Variants in IGF1R observed in about 807,000 individuals in gnomAD.
IGF1R encodes the protein insulin like growth factor 1 receptor.
Under a neutral mutation model 144.6 loss-of-function variants are expected in IGF1R, and 44 were observed. That is an observed-to-expected ratio of 0.30 (90% CI 0.24 to 0.39). The LOEUF (loss-of-function observed/expected upper bound fraction) is 0.39. Among genes scored for constraint, IGF1R ranks in the 10% least tolerant of loss-of-function variants. The pLI, the probability that IGF1R is intolerant of heterozygous loss-of-function variation, is 1.00. For missense variants in IGF1R, 1,355 were observed against 1,833.7 expected (o/e 0.74, Z 4.77); for synonymous variants, 795 against 722.8 (o/e 1.10, Z -1.60).
chr15:98,931,406 A>G (rs187729340), intron 15 of IGF1R, among the ~76,000 whole-genome samples: 15 of 152,366 alleles, frequency 9.8e-5, no homozygotes, highest in African/African-American at 3.4e-4. Context: ...AAAATACTTT[A>G]ATAATGTGAA....
At chr15:98,688,351 C>CGA (rs1555431945) in intron 1 of IGF1R, among the ~76,000 whole-genome samples, 4 of 139,362 alleles carry the variant, frequency 2.9e-5, no homozygotes, top group Non-Finnish European at 1.5e-5. Flanking sequence ...TCACTTCCCC[C>CGA]CACACTCTCT....
At chr15:98,659,677 C>T (rs1229412666) in intron 1 of IGF1R, among the ~76,000 whole-genome samples, 7 of 152,042 alleles carry the variant, frequency 4.6e-5, no homozygotes, top group Non-Finnish European at 1.5e-5. Flanking sequence ...CTGTTAACAC[C>T]TAGTGTGTCT....
chr15:98,778,061 A>C (rs1427047402), intron 2 of IGF1R, among the ~76,000 whole-genome samples: 1 of 152,216 alleles, frequency 6.6e-6, no homozygotes, highest in Non-Finnish European at 1.5e-5. Flanking sequence ...CTTAATAAGA[A>C]CAGGTTCTAG....
intron 2 of IGF1R, among the ~76,000 whole-genome samples, chr15:98,780,464 G>A (rs1253009708): frequency 2.1e-5 from 3 of 146,030 alleles, no homozygotes; most frequent in Non-Finnish European, 3.0e-5. Flanking sequence ...CAGGAGAATC[G>A]CTTGAACCCG....
At chr15:98,929,487 G>C (rs2015855979) in intron 13 of IGF1R, 71 bp from the exon 14 acceptor site, 1 of 1,176,804 alleles carries the variant, frequency 8.5e-7, no homozygotes, top group South Asian at 1.2e-5. Flanking sequence ...ACTTCCAACT[G>C]AATGTGAAGA....
chr15:98,775,843 A>G (rs1257023640), intron 2 of IGF1R, among the ~76,000 whole-genome samples: 1 of 152,218 alleles, frequency 6.6e-6, no homozygotes, highest in Non-Finnish European at 1.5e-5. Flanking sequence ...TCAAGTTCCC[A>G]TGTGATCCTT....
At chr15:98,813,296 C>A (rs1157209066) in intron 2 of IGF1R, among the ~76,000 whole-genome samples, 1 of 152,086 alleles carries the variant, frequency 6.6e-6, no homozygotes, top group Non-Finnish European at 1.5e-5. Flanking sequence ...AATAACCAAT[C>A]CAAAGGCCAG....
At chr15:98,717,704 T>C (rs1338558650) in intron 2 of IGF1R, among the ~76,000 whole-genome samples, 1 of 152,244 alleles carries the variant, frequency 6.6e-6, no homozygotes, top group Non-Finnish European at 1.5e-5. Context: ...TTTGGGAGCA[T>C]TTAAGAAATA....
At chr15:98,954,596 CTTGT>C (rs2016906366) in intron 20 of IGF1R, among the ~76,000 whole-genome samples, 1 of 152,086 alleles carries the variant, frequency 6.6e-6, no homozygotes. Context: ...CGTCACATGG[CTTGT>C]TTGTGCTGAT....
Position 98,960,292 on chromosome 15 carries a change from C to CTTT in IGF1R, c.*2855_*2857dup, listed in dbSNP as rs397836919. Reference sequence around the variant, plus strand: ...TTCTGAGATGTCCTGTTTTGTGTTGCTTTTTTTGTTTTGTTTTCTATCTTG... The same window carrying CTTT: ...TTCTGAGATGTCCTGTTTTGTGTTGCTTTTTTTTTTGTTTTGTTTTCTATCTTG... On this transcript the variant is annotated 3_prime_UTR_variant, in exon 21 of 21. Transcript: ENST00000650285. The CTTT allele has an allele frequency of 5.5e-4, 126 of 231,182 alleles. No homozygotes were observed. The highest frequency in any genetic ancestry group is 2.3e-3 in the African/African-American group (106 of 45,134). 14.3% of individuals were successfully genotyped at this position (231,182 alleles called of 1,614,324 possible). A position where few individuals can be genotyped will look rare whatever the true frequency, so the allele number is the denominator to read the frequency against.
chr15:98,720,035 T>G (rs1370633885), intron 2 of IGF1R, among the ~76,000 whole-genome samples: 1 of 152,182 alleles, frequency 6.6e-6, no homozygotes, highest in African/African-American at 2.4e-5. Flanking sequence ...TCAGATTCTG[T>G]TTTTGGAAAT....
intron 2 of IGF1R, among the ~76,000 whole-genome samples, chr15:98,848,693 T>G (rs2141551332): frequency 6.6e-6 from 1 of 152,346 alleles, no homozygotes; most frequent in South Asian, 2.1e-4. Flanking sequence ...GATCTCAACC[T>G]CTATTTATTG....
At chr15:98,764,006 A>C (rs2055372178) in intron 2 of IGF1R, among the ~76,000 whole-genome samples, 1 of 152,200 alleles carries the variant, frequency 6.6e-6, no homozygotes, top group South Asian at 2.1e-4. Flanking sequence ...TTAGCTTTTC[A>C]ATTCTCTTGA....
chr15:98,662,151 T>C (rs2052616487), intron 1 of IGF1R, among the ~76,000 whole-genome samples: 1 of 151,794 alleles, frequency 6.6e-6, no homozygotes, highest in African/African-American at 2.4e-5. Context: ...GGCTAATTTT[T>C]TTTTTTTCTA....
chr15:98,664,579 C>T (rs2141183242), intron 1 of IGF1R, among the ~76,000 whole-genome samples: 1 of 150,938 alleles, frequency 6.6e-6, no homozygotes, highest in African/African-American at 2.4e-5. Flanking sequence ...GCAGGAGAAT[C>T]ACTTGAACCT....
chr15:98,704,864 G>A lies in IGF1R; in HGVS notation c.95-2698G>A, dbSNP rs1375148223. Among the ~76,000 whole-genome samples, 1 of 152,068 alleles carries A rather than the reference G, an allele frequency of 6.6e-6. No homozygotes were observed. The highest frequency in any genetic ancestry group is 1.5e-5 in the Non-Finnish European group (1 of 68,024). On this transcript the variant is annotated intron_variant, in intron 1 of 20. Transcript: ENST00000650285. The surrounding 1 kb of genome is among the most constrained non-coding windows in gnomAD (Gnocchi z 4.9). ...CAAGATTCTCATAGGCTTGGGAGCG[G>A]AAGCCCTGAGGTCTGTTGCTGGACT...
intron 2 of IGF1R, among the ~76,000 whole-genome samples, chr15:98,866,425 C>G: frequency 6.6e-6 from 1 of 152,178 alleles, no homozygotes; most frequent in East Asian, 1.9e-4. Context: ...TAATGCGGGC[C>G]TCTGCAAATA....
chr15:98,838,565 T>C (rs989342291), intron 2 of IGF1R, among the ~76,000 whole-genome samples: 1 of 152,222 alleles, frequency 6.6e-6, no homozygotes, highest in Non-Finnish European at 1.5e-5. Context: ...CTGGAGCACA[T>C]GACCTTTTCA....
intron 2 of IGF1R, among the ~76,000 whole-genome samples, chr15:98,715,310 A>G (rs780059122): frequency 1.3e-5 from 2 of 152,188 alleles, no homozygotes; most frequent in South Asian, 2.1e-4. Context: ...GCTAATTGTC[A>G]TTAGTGATGG....
Sources: allele counts gnomAD v4.1 joint callset (sites outside exome capture counted in the v4.1 genomes callset), GRCh38; gene constraint gnomAD v4.1.1; non-coding constraint Gnocchi (gnomAD v3.1); transcripts MANE v1.5; gene names NCBI Gene and HGNC (gene_info 2026-07-23, HGNC 2026-07-21).